Variants in BLTP1 observed in about 807,000 individuals in gnomAD.
BLTP1 encodes the protein fragile site-associated protein.
the BLTP1 span, among the ~76,000 whole-genome samples, chr4:122,268,699 A>G: frequency 3.9e-5 from 6 of 152,230 alleles, no homozygotes; most frequent in Admixed American, 2.0e-4. Context: ...TTGTTGTCCA[A>G]TTCCCTCATT....
At chr4:122,222,192 A>G in the BLTP1 span, among the ~76,000 whole-genome samples, 9 of 152,274 alleles carry the variant, frequency 5.9e-5, no homozygotes, top group East Asian at 1.7e-3. Flanking sequence ...TACATTCTAT[A>G]GTGTTGACAC....
At chr4:122,346,787 TG>T in the BLTP1 span, 10 of 1,604,940 alleles carry the variant, frequency 6.2e-6, no homozygotes, top group Non-Finnish European at 8.5e-6. Context: ...ATTTTAATTT[TG>T]GTTACTGTAG....
chr4:122,320,784 C>T, the BLTP1 span, among the ~76,000 whole-genome samples: 1 of 152,012 alleles, frequency 6.6e-6, no homozygotes, highest in African/African-American at 2.4e-5. Context: ...TTTTACACCA[C>T]TGACATTTAA....
the BLTP1 span, among the ~76,000 whole-genome samples, chr4:122,323,054 G>T: frequency 3.3e-5 from 5 of 152,068 alleles, no homozygotes; most frequent in African/African-American, 1.2e-4. Context: ...CGGTGACTGG[G>T]TCCCCCTGGA....
chr4:122,210,856 C>A, the BLTP1 span: 1 of 1,603,460 alleles, frequency 6.2e-7, no homozygotes, highest in Non-Finnish European at 8.5e-7. Context: ...ACCCCTCAAA[C>A]ATTAGTCTTT....
the BLTP1 span, chr4:122,273,556 G>C: frequency 2.2e-6 from 1 of 450,380 alleles, no homozygotes; most frequent in Non-Finnish European, 2.9e-6. Context: ...CTCATTTATG[G>C]TGAGAATTAG....
chr4:122,270,034 A>G, the BLTP1 span, among the ~76,000 whole-genome samples: 258 of 151,918 alleles, frequency 1.7e-3, 4 homozygotes, highest in East Asian at 0.043. Context: ...GATTATTTTC[A>G]TCTCTTTTTA....
the BLTP1 span, chr4:122,200,963 T>C: frequency 6.3e-7 from 1 of 1,592,768 alleles, no homozygotes; most frequent in Non-Finnish European, 8.5e-7. Flanking sequence ...TCACACAGTG[T>C]CACATTTTAA....
the BLTP1 span, among the ~76,000 whole-genome samples, chr4:122,301,639 A>T: frequency 6.6e-6 from 1 of 152,132 alleles, no homozygotes; most frequent in East Asian, 1.9e-4. Flanking sequence ...ATACCTTTCC[A>T]TATTAGAATA....
the BLTP1 span, chr4:122,215,206 G>A: frequency 7.6e-3 from 2,798 of 367,836 alleles, 22 homozygotes; most frequent in South Asian, 0.032. Flanking sequence ...AATTTGATAT[G>A]AATTATTTCC....
the BLTP1 span, chr4:122,194,515 T>G: frequency 6.8e-6 from 6 of 886,550 alleles, no homozygotes; most frequent in Non-Finnish European, 8.1e-6. Context: ...AAATGAGAGA[T>G]TTTACATTTC....
the BLTP1 span, chr4:122,170,393 T>G: frequency 1.0e-6 from 1 of 981,016 alleles, no homozygotes; most frequent in Non-Finnish European, 1.2e-6. Flanking sequence ...AGTGCTTACA[T>G]TTAGAATGGT....
the BLTP1 span, chr4:122,325,599 C>A: frequency 8.9e-7 from 1 of 1,125,792 alleles, no homozygotes; most frequent in East Asian, 5.9e-5. Context: ...AATAATTTTT[C>A]TTTCAAGTGA....
the BLTP1 span, chr4:122,178,166 T>A: frequency 3.5e-6 from 3 of 852,224 alleles, no homozygotes; most frequent in Non-Finnish European, 4.2e-6. Flanking sequence ...GATATGTTTC[T>A]ATTCCCAGAT....
the BLTP1 span, chr4:122,223,096 A>G: frequency 1.1e-6 from 1 of 888,536 alleles, no homozygotes; most frequent in East Asian, 1.2e-4. Context: ...TAATGCCTGG[A>G]GAAGTCAGGT....
chr4:122,294,931 T>A, the BLTP1 span, among the ~76,000 whole-genome samples: 1 of 152,156 alleles, frequency 6.6e-6, no homozygotes, highest in South Asian at 2.1e-4. Flanking sequence ...ACTGACCTGT[T>A]GGAGCTGAAA....
At chr4:122,206,490 T>C in the BLTP1 span, among the ~76,000 whole-genome samples, 1 of 151,902 alleles carries the variant, frequency 6.6e-6, no homozygotes, top group Non-Finnish European at 1.5e-5. Context: ...TTCCTAAATT[T>C]TGACCCAGCA....
the BLTP1 span, chr4:122,334,533 C>T: frequency 4.3e-6 from 7 of 1,612,334 alleles, no homozygotes; most frequent in South Asian, 4.4e-5. Flanking sequence ...CCAGCCCCCA[C>T]CTATTCCTGC....
chr4:122,229,191 A>G, the BLTP1 span: 1 of 1,612,282 alleles, frequency 6.2e-7, no homozygotes, highest in South Asian at 1.1e-5. Context: ...TTAGCAGTAG[A>G]TGGAGCCGAT....
Sources: allele counts gnomAD v4.1 joint callset (sites outside exome capture counted in the v4.1 genomes callset), GRCh38; gene constraint gnomAD v4.1.1; transcripts MANE v1.5; gene names NCBI Gene and HGNC (gene_info 2026-07-23, HGNC 2026-07-21).